PFKP: variants seen among roughly 807,000 people sequenced by gnomAD.
The protein encoded by PFKP is phosphofructokinase, platelet.
PFKP carries 101 observed loss-of-function variants against 94.3 expected under a neutral mutation model. That is an observed-to-expected ratio of 1.07 (90% CI 0.91 to 1.26). The LOEUF (loss-of-function observed/expected upper bound fraction) is 1.26. Among genes scored for constraint, PFKP ranks in the 50% most tolerant of loss-of-function variants. The probability of loss-of-function intolerance (pLI) is 0.00; values close to 1 mark genes in which losing one functional copy is unlikely to be tolerated. For missense variants in PFKP, 1,145 were observed against 1,103.3 expected, an observed-to-expected ratio of 1.04 and a Z score of -0.53; for synonymous variants, 573 against 432.6, an observed-to-expected ratio of 1.32 and a Z score of -4.03.
chr10:3,117,875 T>C, intron 14 of PFKP, among the ~76,000 whole-genome samples: 1 of 152,192 alleles, frequency 6.6e-6, no homozygotes, highest in South Asian at 2.1e-4. Flanking sequence ...CAGCACAGGT[T>C]TGCACTTAGC....
chr10:3,108,806 G>A lies in PFKP; in HGVS notation c.963+13G>A, dbSNP rs763017318. 4.4e-6 allele frequency: 7 copies of A among 1,576,198 alleles called. No individual in the cohort carries two copies. The African/African-American group carries it at 9.4e-5, about 21-fold the overall frequency. On this transcript the variant is annotated intron_variant, in intron 9 of 21. Coordinates refer to ENST00000381125, the MANE Select transcript of PFKP (RefSeq NM_002627.5). ...CGACAGGATCTTGGTGAGTTGGGAAGGGTTGGGCATCTTCACAAGGTCTCT... is the reference window on the plus strand; with the variant it reads ...CGACAGGATCTTGGTGAGTTGGGAAAGGTTGGGCATCTTCACAAGGTCTCT...
Position 3,103,846 on chromosome 10 carries a change from C to G in PFKP, c.522C>G (p.Ile174Met). The G allele has an allele frequency of 1.9e-6, 3 of 1,614,006 alleles. No individual in the cohort carries two copies. Among genetic ancestry groups the G allele is most frequent in the Non-Finnish European group, 2.5e-6 (3 of 1,180,008 alleles). The change falls in exon 5 of 22, where the codon ATC (isoleucine) becomes ATG (methionine). Residue 174 changes from isoleucine (I) to methionine (M), a missense_variant. Around this residue, in one of 3 missense-constraint regions of PFKP, gnomAD observed 1,119 missense variants for 1,062.8 expected, o/e 1.05. Transcript: ENST00000381125. ...YLNVVGMVGS[I>M]DNDFCGTDMT... is the part of the protein sequence containing the mutation. ...ACGTGGTGGGCATGGTGGGCTCCATCGACAATGATTTCTGCGGCACCGACA... is the reference window on the plus strand; with the variant it reads ...ACGTGGTGGGCATGGTGGGCTCCATGGACAATGATTTCTGCGGCACCGACA...
At position 3,072,932 on chromosome 10, in the gene PFKP, G is replaced by T. The variant is rs117302307; in HGVS notation, c.112+5225G>T. Among the ~76,000 whole-genome samples, 421 of 151,990 alleles carry T rather than the reference G, an allele frequency of 2.8e-3. 4 individuals are homozygous for T. The highest frequency in any genetic ancestry group is 6.8e-3 in the Middle Eastern group (2 of 292). On this transcript the variant is annotated intron_variant, in intron 1 of 21. Transcript: ENST00000381125. The stretch of plus-strand genomic sequence containing the variant: ...ACAGAGGGCCGTATGTCAGTAATTG[G>T]GTTCCGTTTTGTGTTTCTTTTCCAC...
chr10:3,097,011 G>A (rs1834538345), intron 2 of PFKP, among the ~76,000 whole-genome samples: 1 of 119,108 alleles, frequency 8.4e-6, no homozygotes, highest in South Asian at 2.9e-4. Flanking sequence ...CCGGGAGGCG[G>A]AGCTTGCAAT....
chr10:3,110,205 A>AATTTATTT lies in PFKP; in HGVS notation c.1089+731_1089+738dup, dbSNP rs546007892. Among the ~76,000 whole-genome samples, 1,171 of 151,920 alleles carry AATTTATTT rather than the reference A, an allele frequency of 7.7e-3. 17 individuals carry two copies. Among genetic ancestry groups the AATTTATTT allele is most frequent in the African/African-American group, 0.027 (1,110 of 41,368 alleles). On this transcript the variant is annotated intron_variant, in intron 10 of 21. Transcript: ENST00000381125. ...TGCATTTGAAGTTATTTAATTAATT[A>AATTTATTT]ATTTATTTATTTAGAGACGGAGTCT... is the stretch of plus-strand genomic sequence containing the variant.
intron 11 of PFKP, among the ~76,000 whole-genome samples, chr10:3,112,816 C>T (rs543562157): frequency 1.1e-3 from 170 of 152,366 alleles, no homozygotes; most frequent in Non-Finnish European, 4.4e-4. Flanking sequence ...GATTCACCCG[C>T]CTCAGCCTCC....
intron 1 of PFKP, among the ~76,000 whole-genome samples, chr10:3,079,297 T>TGC (rs1832839369): frequency 6.6e-6 from 1 of 151,758 alleles, no homozygotes; most frequent in Admixed American, 6.6e-5. Context: ...TGCAGTGGCA[T>TGC]GATCTCAGCT....
intron 13 of PFKP, among the ~76,000 whole-genome samples, 175 bp from the exon 14 acceptor site, chr10:3,116,601 G>C (rs968955758): frequency 6.6e-6 from 1 of 152,134 alleles, no homozygotes; most frequent in Non-Finnish European, 1.5e-5. Context: ...GTTAACCTTG[G>C]ACTTCTGCTT....
In PFKP at chr10:3,073,821, G is replaced by T. The variant is rs569227964; in HGVS notation, c.112+6114G>T. ...ATTAAGATTTTATTTCTGTGTGTGT[G>T]TGTGTTTTTTTTGTTTGTTTGTTTG... On this transcript the variant is annotated intron_variant, in intron 1 of 21. Transcript: ENST00000381125. Among the ~76,000 whole-genome samples, 43 of 152,064 alleles carry T rather than the reference G, an allele frequency of 2.8e-4. 2 individuals are homozygous for T. The South Asian group carries it at 8.5e-3, about 30-fold the overall frequency.
At chr10:3,134,435 AAGTGTTACTGT>A in intron 19 of PFKP, 37 bp from the exon 20 acceptor site, 2 of 1,065,168 alleles carry the variant, frequency 1.9e-6, no homozygotes, top group Non-Finnish European at 1.4e-6. Flanking sequence ...TTTAACAGCA[AAGTGTTACTGT>A]ATAACTGGTA....
intron 1 of PFKP, among the ~76,000 whole-genome samples, chr10:3,071,483 G>C (rs1048836301): frequency 5.2e-5 from 4 of 77,386 alleles, no homozygotes; most frequent in African/African-American, 2.4e-4. Flanking sequence ...TGTATCTTCT[G>C]TTGTCCCAAG....
At chr10:3,116,418 A>G (rs1296190882) in intron 13 of PFKP, among the ~76,000 whole-genome samples, 1 of 152,188 alleles carries the variant, frequency 6.6e-6, no homozygotes, top group Non-Finnish European at 1.5e-5. Flanking sequence ...AGTTTGTAAG[A>G]AAAGAAATTT....
intron 3 of PFKP, chr10:3,100,865 A>AATAAAAAAAAAAAT: frequency 4.1e-6 from 2 of 487,448 alleles, no homozygotes; most frequent in Non-Finnish European, 6.4e-6. Context: ...TGTGGTGCAA[A>AATAAAAAAAAAAAT]AAAAAAAAAA....
intron 1 of PFKP, among the ~76,000 whole-genome samples, chr10:3,075,641 A>C (rs1318830437): frequency 1.3e-5 from 2 of 148,940 alleles, no homozygotes; most frequent in Non-Finnish European, 3.0e-5. Context: ...AAGACTCAAC[A>C]TCTGTAATCC....
intron 1 of PFKP, 101 bp downstream of exon 1, chr10:3,067,808 G>A: frequency 2.3e-6 from 1 of 441,656 alleles, no homozygotes; most frequent in Non-Finnish European, 3.8e-6. Context: ...GGGGGGAAGC[G>A]ATGGGGGGGA....
chr10:3,132,849 G>A lies in PFKP; in HGVS notation c.1911-354G>A, dbSNP rs371447680. ...AACCAAGGTGGCTACTGAGTGACTC[G>A]GGCAGGAGGCACAGACAGCATGGAG... On this transcript the variant is annotated intron_variant, in intron 18 of 21. Transcript: ENST00000381125. 3.3e-5 allele frequency among the ~76,000 whole-genome samples: 5 copies of A among 152,224 alleles called. No individual in the cohort carries two copies. In the South Asian group the frequency reaches 6.2e-4, roughly 19 times the overall value.
intron 5 of PFKP, 134 bp downstream of exon 5, chr10:3,104,078 C>G (rs1588472645): frequency 1.4e-6 from 1 of 703,908 alleles, no homozygotes; most frequent in East Asian, 2.7e-5. Context: ...CTTTTAGGAG[C>G]TATTGCCAGA....
intron 5 of PFKP, chr10:3,104,756 G>A (rs577440400): frequency 4.2e-5 from 14 of 329,806 alleles, no homozygotes; most frequent in Non-Finnish European, 5.6e-5. Context: ...CGTGGCTGTC[G>A]ACAGCAGCTG....
intron 14 of PFKP, 83 bp downstream of exon 14, chr10:3,116,929 A>T (rs1836890409): frequency 1.8e-6 from 2 of 1,089,498 alleles, no homozygotes; most frequent in Admixed American, 1.7e-5. Context: ...CTGGGTGCCG[A>T]CGCCAGTTGG....
Sources: allele counts gnomAD v4.1 joint callset (sites outside exome capture counted in the v4.1 genomes callset), GRCh38; gene constraint gnomAD v4.1.1; regional missense constraint gnomAD v4.1.1; transcripts MANE v1.5; gene names NCBI Gene and HGNC (gene_info 2026-07-23, HGNC 2026-07-21).